Variants in CTNNA3 observed in about 807,000 individuals in gnomAD.
CTNNA3 encodes the protein catenin alpha 3.
In CTNNA3, 76 loss-of-function variants were observed where a neutral mutation model predicts 95.7. The observed-to-expected ratio is 0.79, with a 90% confidence interval of 0.66 to 0.96. The LOEUF is 0.96. Ranked by LOEUF, CTNNA3 falls within the 40% of genes least tolerant of loss-of-function variation. The pLI, the probability that CTNNA3 is intolerant of heterozygous loss-of-function variation, is 0.00. For missense variants in CTNNA3, 1,191 were observed against 1,089.8 expected (o/e 1.09, Z -1.31); for synonymous variants, 431 against 374.4 (o/e 1.15, Z -1.74).
At chr10:66,326,298 T>C (rs1359935399) in intron 12 of CTNNA3, among the ~76,000 whole-genome samples, 1 of 152,086 alleles carries the variant, frequency 6.6e-6, no homozygotes. Context: ...TCATCACTCT[T>C]TATGCACCTT....
intron 1 of CTNNA3, among the ~76,000 whole-genome samples, chr10:67,733,671 C>T (rs1037930139): frequency 9.9e-5 from 15 of 152,152 alleles, no homozygotes; most frequent in Non-Finnish European, 1.6e-4. Context: ...CTTACCTTTC[C>T]GACAAATACT....
chr10:66,929,428 T>C (rs902916892), intron 7 of CTNNA3, among the ~76,000 whole-genome samples: 4 of 152,158 alleles, frequency 2.6e-5, no homozygotes, highest in African/African-American at 9.7e-5. Context: ...CTCTGTCCTG[T>C]TCTGTTCAGA....
chr10:67,126,878 C>T (rs1234919604), intron 7 of CTNNA3, among the ~76,000 whole-genome samples: 2 of 152,084 alleles, frequency 1.3e-5, no homozygotes, highest in Non-Finnish European at 2.9e-5. Context: ...ATAATGACAA[C>T]CAAGTAAATG....
chr10:67,491,636 G>C (rs1246741814), intron 5 of CTNNA3, among the ~76,000 whole-genome samples: 1 of 152,148 alleles, frequency 6.6e-6, no homozygotes, highest in Non-Finnish European at 1.5e-5. Context: ...TGAAAACAAA[G>C]CTCTGGGAAA....
intron 13 of CTNNA3, among the ~76,000 whole-genome samples, chr10:66,209,563 C>A (rs1051300098): frequency 6.6e-6 from 1 of 151,822 alleles, no homozygotes; most frequent in African/African-American, 2.4e-5. Flanking sequence ...GTTAAGGGAA[C>A]AGTAAGGAAG....
At chr10:67,734,687 T>A (rs969352653) in intron 1 of CTNNA3, among the ~76,000 whole-genome samples, 4 of 152,188 alleles carry the variant, frequency 2.6e-5, no homozygotes, top group South Asian at 2.1e-4. Flanking sequence ...AAAACATTTC[T>A]GGAGGGCAAT....
intron 13 of CTNNA3, among the ~76,000 whole-genome samples, chr10:66,159,053 T>A (rs919365493): frequency 1.3e-5 from 2 of 152,116 alleles, no homozygotes; most frequent in African/African-American, 4.8e-5. Context: ...TCTAGGAGAT[T>A]TCTGGAGGAG....
chr10:67,386,541 CA>C (rs1844173368), intron 5 of CTNNA3, among the ~76,000 whole-genome samples: 1 of 151,980 alleles, frequency 6.6e-6, no homozygotes. Context: ...TGAAAGCCTT[CA>C]TTAAACATCA....
intron 7 of CTNNA3, among the ~76,000 whole-genome samples, chr10:66,967,359 G>C (rs921495954): frequency 2.1e-5 from 3 of 145,182 alleles, no homozygotes; most frequent in African/African-American, 7.5e-5. Flanking sequence ...TAGATAGATA[G>C]ATATATGTAG....
chr10:66,901,222 T>C (rs1589396460), intron 7 of CTNNA3, among the ~76,000 whole-genome samples: 1 of 152,262 alleles, frequency 6.6e-6, no homozygotes, highest in Non-Finnish European at 1.5e-5. Flanking sequence ...GGGGCCAATA[T>C]TCAACATTTA....
chr10:66,397,737 C>T (rs1008610584), intron 11 of CTNNA3, among the ~76,000 whole-genome samples: 4 of 151,868 alleles, frequency 2.6e-5, no homozygotes, highest in South Asian at 2.1e-4. Flanking sequence ...GTAAACAATG[C>T]TAGACCATTT....
chr10:67,699,794 C>A (rs996725016), upstream of CTNNA3, among the ~76,000 whole-genome samples: 4 of 152,156 alleles, frequency 2.6e-5, no homozygotes, highest in African/African-American at 9.6e-5. Flanking sequence ...TGCAGTGCAC[C>A]GTTCGCGAGC....
At chr10:66,712,218 T>G (rs1354673260) in intron 9 of CTNNA3, among the ~76,000 whole-genome samples, 4 of 152,136 alleles carry the variant, frequency 2.6e-5, no homozygotes, top group African/African-American at 7.2e-5. Flanking sequence ...AATAAACATG[T>G]GATACAAGCT....
chr10:67,590,944 T>C (rs1842772049), intron 3 of CTNNA3, among the ~76,000 whole-genome samples: 1 of 152,122 alleles, frequency 6.6e-6, no homozygotes, highest in South Asian at 2.1e-4. Context: ...TTCATAGCTT[T>C]TTGTTTCATG....
At chr10:66,816,763 A>T (rs1842105860) in intron 7 of CTNNA3, among the ~76,000 whole-genome samples, 1 of 152,072 alleles carries the variant, frequency 6.6e-6, no homozygotes, top group African/African-American at 2.4e-5. Flanking sequence ...TCCAGAATAA[A>T]CCATATGTTA....
intron 5 of CTNNA3, among the ~76,000 whole-genome samples, chr10:67,396,037 A>G (rs1377995740): frequency 6.6e-6 from 1 of 152,236 alleles, no homozygotes; most frequent in Non-Finnish European, 1.5e-5. Flanking sequence ...GTAAAATAAA[A>G]GCAGAGTATA....
intron 7 of CTNNA3, among the ~76,000 whole-genome samples, chr10:67,019,989 C>A (rs1028119206): frequency 7.7e-6 from 1 of 130,038 alleles, no homozygotes; most frequent in Non-Finnish European, 1.6e-5. Flanking sequence ...ATGCATTTAA[C>A]AACATAATTG....
At chr10:67,579,938 T>A (rs1216211719) in intron 3 of CTNNA3, among the ~76,000 whole-genome samples, 2 of 152,256 alleles carry the variant, frequency 1.3e-5, no homozygotes, top group Non-Finnish European at 2.9e-5. Flanking sequence ...AAGTTCTTTA[T>A]CGATTCTGGA....
intron 11 of CTNNA3, among the ~76,000 whole-genome samples, chr10:66,410,468 G>A (rs921903728): frequency 2.0e-5 from 3 of 152,106 alleles, no homozygotes; most frequent in African/African-American, 7.2e-5. Flanking sequence ...CTGATGTTAG[G>A]CCCTGGTACT....
Sources: allele counts gnomAD v4.1 joint callset (sites outside exome capture counted in the v4.1 genomes callset), GRCh38; gene constraint gnomAD v4.1.1; transcripts MANE v1.5; gene names NCBI Gene and HGNC (gene_info 2026-07-23, HGNC 2026-07-21).